The following SCHIP1 variants were observed in gnomAD, a reference collection of about 807,000 sequenced individuals.
SCHIP1 encodes the protein schwannomin interacting protein 1, also known as schwannomin-interacting protein 1.
A neutral mutation model predicts 29.7 loss-of-function variants in SCHIP1; 8 were observed. The ratio of observed to expected loss-of-function variants is 0.27; its 90% CI spans 0.16 to 0.49. The LOEUF (loss-of-function observed/expected upper bound fraction) is 0.49, where lower values mean the gene tolerates loss of function less well. Among genes scored for constraint, SCHIP1 ranks in the 20% least tolerant of loss-of-function variants. The pLI is 0.99. For synonymous variants in SCHIP1, 76 were observed against 94.9 expected (o/e 0.80, Z 1.16); for missense variants, 193 against 294.6 (o/e 0.66, Z 2.52).
the SCHIP1 span, among the ~76,000 whole-genome samples, chr3:159,560,462 T>C: frequency 1.3e-5 from 2 of 152,206 alleles, no homozygotes; most frequent in East Asian, 1.9e-4. Context: ...GTGGCATCTT[T>C]ATGTCCAACA....
the SCHIP1 span, among the ~76,000 whole-genome samples, chr3:159,506,382 G>A: frequency 4.6e-5 from 7 of 152,304 alleles, no homozygotes; most frequent in South Asian, 8.3e-4. Context: ...TGTCAGATGA[G>A]TAGATTGCAA....
the SCHIP1 span, among the ~76,000 whole-genome samples, chr3:159,502,506 T>G: frequency 6.6e-6 from 1 of 152,182 alleles, no homozygotes; most frequent in African/African-American, 2.4e-5. Flanking sequence ...ATTATTATAC[T>G]TCTTTAAGTA....
chr3:159,720,601 T>C, the SCHIP1 span, among the ~76,000 whole-genome samples: 7 of 152,160 alleles, frequency 4.6e-5, no homozygotes, highest in African/African-American at 1.7e-4. Context: ...TTTTCTCTTT[T>C]TGAGGCAGAG....
the SCHIP1 span, among the ~76,000 whole-genome samples, chr3:159,586,146 G>T: frequency 6.6e-6 from 1 of 152,084 alleles, no homozygotes; most frequent in African/African-American, 2.4e-5. Context: ...AAAAAAATGT[G>T]TAAGGGATCA....
chr3:159,850,945 C>A (rs1448085361), intron 1 of SCHIP1, among the ~76,000 whole-genome samples: 1 of 152,134 alleles, frequency 6.6e-6, no homozygotes, highest in Non-Finnish European at 1.5e-5. Flanking sequence ...ATCTGGAGCT[C>A]TACTAGATTT....
At chr3:159,374,697 G>T in the SCHIP1 span, among the ~76,000 whole-genome samples, 5 of 152,036 alleles carry the variant, frequency 3.3e-5, no homozygotes, top group East Asian at 9.7e-4. Context: ...TTACTTAATA[G>T]ATGTATTAAT....
the SCHIP1 span, among the ~76,000 whole-genome samples, chr3:159,394,903 CT>C: frequency 6.6e-6 from 1 of 152,052 alleles, no homozygotes; most frequent in Non-Finnish European, 1.5e-5. Flanking sequence ...CCAGTTCCTC[CT>C]TGTACCTCTG....
At chr3:159,425,719 C>G in the SCHIP1 span, among the ~76,000 whole-genome samples, 1 of 152,184 alleles carries the variant, frequency 6.6e-6, no homozygotes, top group Non-Finnish European at 1.5e-5. Context: ...AACTCTCCAC[C>G]CCATATCAAT....
chr3:159,405,107 T>G, the SCHIP1 span, among the ~76,000 whole-genome samples: 1 of 152,166 alleles, frequency 6.6e-6, no homozygotes, highest in Non-Finnish European at 1.5e-5. Flanking sequence ...CAGAGATGGC[T>G]GCAGTGACCA....
chr3:159,453,010 T>C, the SCHIP1 span, among the ~76,000 whole-genome samples: 1 of 152,166 alleles, frequency 6.6e-6, no homozygotes, highest in African/African-American at 2.4e-5. Flanking sequence ...CTGAATAAAA[T>C]TGGGCTTCTA....
At chr3:159,787,079 C>T in the SCHIP1 span, among the ~76,000 whole-genome samples, 3 of 152,100 alleles carry the variant, frequency 2.0e-5, no homozygotes, top group African/African-American at 7.2e-5. Context: ...TATTTTTGTC[C>T]TCTCAACAAA....
upstream of SCHIP1, among the ~76,000 whole-genome samples, chr3:159,836,805 T>G (rs1743707389): frequency 6.6e-6 from 1 of 152,212 alleles, no homozygotes; most frequent in Non-Finnish European, 1.5e-5. Flanking sequence ...AGATAACAAA[T>G]GTTACTGCAG....
the SCHIP1 span, among the ~76,000 whole-genome samples, chr3:159,680,543 TATATATATA>T: frequency 1.7e-5 from 2 of 117,408 alleles, no homozygotes; most frequent in Non-Finnish European, 3.3e-5. Flanking sequence ...ATAATATATG[TATATATATA>T]ATATATATAA....
chr3:159,324,689 C>A, the SCHIP1 span, among the ~76,000 whole-genome samples: 1 of 152,024 alleles, frequency 6.6e-6, no homozygotes, highest in African/African-American at 2.4e-5. Context: ...AAGTTAACTT[C>A]TTTTTAAACA....
chr3:159,631,316 T>C, the SCHIP1 span, among the ~76,000 whole-genome samples: 1 of 152,296 alleles, frequency 6.6e-6, no homozygotes, highest in East Asian at 1.9e-4. Context: ...AATTACTATA[T>C]GGACCCATAA....
chr3:159,634,336 A>G, the SCHIP1 span, among the ~76,000 whole-genome samples: 10 of 152,302 alleles, frequency 6.6e-5, no homozygotes, highest in African/African-American at 2.4e-4. Flanking sequence ...ATAAGAAAAA[A>G]AGAAATAAAC....
At chr3:159,401,685 A>T in the SCHIP1 span, among the ~76,000 whole-genome samples, 6 of 152,198 alleles carry the variant, frequency 3.9e-5, no homozygotes, top group Non-Finnish European at 7.4e-5. Flanking sequence ...TTATAGAAAC[A>T]TCTCCCCATT....
chr3:159,514,840 C>G, the SCHIP1 span, among the ~76,000 whole-genome samples: 2 of 152,174 alleles, frequency 1.3e-5, no homozygotes, highest in African/African-American at 4.8e-5. Context: ...CTCAACCTTA[C>G]TATTTCCAAA....
chr3:159,375,956 C>A, the SCHIP1 span: 1 of 156,472 alleles, frequency 6.4e-6, no homozygotes, highest in Non-Finnish European at 1.4e-5. Flanking sequence ...TTGGAATGAA[C>A]CTTCTCCAAA....
Sources: gnomAD v4.1 joint callset for allele counts (sites outside exome capture counted in the v4.1 genomes callset) on GRCh38, gnomAD v4.1.1 for gene constraint, MANE v1.5 for transcripts, NCBI Gene and HGNC (gene_info 2026-07-23, HGNC 2026-07-21) for gene names.